Variants in KDM1B observed in about 807,000 individuals in gnomAD.
KDM1B encodes the protein lysine demethylase 1B, also known as lysine-specific histone demethylase 2.
In KDM1B, 63 loss-of-function variants were observed where a neutral mutation model predicts 107.4. The observed-to-expected ratio is 0.59, with a 90% CI of 0.48 to 0.72. The LOEUF is 0.72. KDM1B is among the 30% of genes least tolerant of loss of function. The pLI is 0.00. For missense variants in KDM1B, 749 were observed against 1,020.8 expected, an observed-to-expected ratio of 0.73 and a Z score of 3.63; for synonymous variants, 363 against 363.9, an observed-to-expected ratio of 1.00 and a Z score of 0.03.
chr6:18,181,744 T>G (rs111657240), intron 7 of KDM1B, among the ~76,000 whole-genome samples: 1,786 of 152,128 alleles, frequency 0.012, 41 homozygotes, highest in African/African-American at 0.041. Context: ...AGACCCTGTT[T>G]CAAGAAGAAA....
chr6:18,185,385 TC>T (rs1786790961), intron 7 of KDM1B, among the ~76,000 whole-genome samples: 2 of 151,668 alleles, frequency 1.3e-5, no homozygotes, highest in South Asian at 4.2e-4. Context: ...CACTGCAACC[TC>T]CACTTTCCGG....
chr6:18,171,338 T>G (rs1181050280), intron 6 of KDM1B, 25 bp from the exon 7 acceptor site: 1 of 1,151,972 alleles, frequency 8.7e-7, no homozygotes, highest in Admixed American at 1.7e-5. Context: ...CACTTGTTCA[T>G]CTTGACTTGA....
intron 7 of KDM1B, among the ~76,000 whole-genome samples, chr6:18,179,083 T>A (rs929045392): frequency 6.6e-6 from 1 of 152,264 alleles, no homozygotes; most frequent in Non-Finnish European, 1.5e-5. Context: ...AGTCTCCTTT[T>A]CTTTTCCTAA....
intron 5 of KDM1B, among the ~76,000 whole-genome samples, chr6:18,164,098 T>G (rs1189464835): frequency 6.6e-6 from 1 of 152,154 alleles, no homozygotes; most frequent in East Asian, 1.9e-4. Context: ...GATATGTCTA[T>G]TTTTCCTTTC....
intron 6 of KDM1B, among the ~76,000 whole-genome samples, chr6:18,167,684 G>T (rs1013307441): frequency 6.6e-6 from 1 of 152,044 alleles, no homozygotes; most frequent in African/African-American, 2.4e-5. Flanking sequence ...ATGTTGCCCA[G>T]GCTGGTCTTA....
At chr6:18,210,342 CTTTTTT>C (rs533016543) in intron 17 of KDM1B, among the ~76,000 whole-genome samples, 144 of 69,964 alleles carry the variant, frequency 2.1e-3, no homozygotes, top group African/African-American at 5.4e-3. Context: ...TCTTTCTTTT[CTTTTTT>C]TTTTTTTTTT....
At position 18,212,642 on chromosome 6, in the gene KDM1B, T is replaced by C; in HGVS notation, c.1983+38T>C. ...ACCTCATCCTCAGCAAGAAAGAGAT[T>C]AATGTCAGATGATAGATGTTAACTT... is the stretch of plus-strand genomic sequence containing the variant. On this transcript the variant is annotated intron_variant, in intron 18 of 21. Transcript: ENST00000650836. This position sits in a 1 kb window ranked among gnomAD's most constrained non-coding sequence, Gnocchi z 5.2. 8.0e-7 allele frequency: 1 copy of C among 1,257,728 alleles called. No individual in the cohort carries two copies. Among genetic ancestry groups the C allele is most frequent in the Non-Finnish European group, 1.2e-6 (1 of 854,782 alleles). 77.9% of individuals were successfully genotyped at this position (1,257,728 alleles called of 1,614,324 possible).
rs1409269583 is a variant in KDM1B, at chr6:18,191,409, A to G, written c.969+28A>G. 1 of 1,541,954 alleles carries G rather than the reference A, an allele frequency of 6.5e-7. No individual in the cohort carries two copies. The highest frequency in any genetic ancestry group is 8.8e-7 in the Non-Finnish European group (1 of 1,139,658). On this transcript the variant is annotated intron_variant, in intron 10 of 21. Transcript: ENST00000650836. The surrounding 1 kb of genome is among the most constrained non-coding windows in gnomAD (Gnocchi z 5.1). Reference sequence around the variant, plus strand: ...AAGTAAGGGCATGTTAGCCAATAGCACTGGACAGAGGAGGACCATGTTGAA... The same window carrying G: ...AAGTAAGGGCATGTTAGCCAATAGCGCTGGACAGAGGAGGACCATGTTGAA...
chr6:18,192,777 AT>A lies in KDM1B; in HGVS notation c.969+1407del, dbSNP rs555571613. 1.0e-3 allele frequency among the ~76,000 whole-genome samples: 152 copies of A among 144,906 alleles called. 1 individual carries two copies. In the East Asian group the frequency reaches 0.011, roughly 11 times the overall value. ...TACAACAGAGAAACACCTTGGATTC[AT>A]TTTTTTTTTTGGTCACATTTCTTTC... On this transcript the variant is annotated intron_variant, in intron 10 of 21. Coordinates refer to ENST00000650836, the MANE Select transcript of KDM1B (RefSeq NM_001364614.2).
At chr6:18,170,532 T>G (rs899105088) in intron 6 of KDM1B, among the ~76,000 whole-genome samples, 1 of 151,784 alleles carries the variant, frequency 6.6e-6, no homozygotes, top group South Asian at 2.1e-4. Context: ...CGGGCTGGAG[T>G]GCAGTGGTAT....
intron 6 of KDM1B, among the ~76,000 whole-genome samples, chr6:18,167,942 T>C (rs552780044): frequency 3.6e-4 from 55 of 151,762 alleles, no homozygotes; most frequent in African/African-American, 1.3e-3. Context: ...GTTAATTCTT[T>C]ATAGAGACAG....
At chr6:18,177,967 T>TA (rs1263790261) in intron 7 of KDM1B, among the ~76,000 whole-genome samples, 4 of 152,324 alleles carry the variant, frequency 2.6e-5, no homozygotes, top group Admixed American at 2.0e-4. Context: ...TTTTTGAGGT[T>TA]AATGTCTCCC....
chr6:18,190,149 CGAGA>C (rs1787177565), intron 9 of KDM1B, among the ~76,000 whole-genome samples: 1 of 114,748 alleles, frequency 8.7e-6, no homozygotes, highest in Non-Finnish European at 2.0e-5. Flanking sequence ...GACTCTGTCT[CGAGA>C]AAAAAAAAAA....
chr6:18,198,623 G>A (rs1373528579), intron 12 of KDM1B, among the ~76,000 whole-genome samples: 2 of 127,066 alleles, frequency 1.6e-5, no homozygotes, highest in Non-Finnish European at 3.2e-5. Context: ...GGGTGACAGA[G>A]CGAGACTCCA....
At position 18,179,851 on chromosome 6, in the gene KDM1B, T is replaced by A. The variant is rs13218224; in HGVS notation, c.535-5921T>A. On this transcript the variant is annotated intron_variant, in intron 7 of 21. Transcript: ENST00000650836. The stretch of plus-strand genomic sequence containing the variant: ...TCAATTTAGCATTGGTTTTTTTTCC[T>A]TTTTTTTTTTTTTTTTTTTTTTTTT... Among the ~76,000 whole-genome samples, 7 of 10,580 alleles carry A rather than the reference T, an allele frequency of 6.6e-4. 1 individual carries two copies. The South Asian group carries it at 8.8e-3, about 13-fold the overall frequency. 6.9% of individuals were successfully genotyped at this position (10,580 alleles called of 152,430 possible).
intron 12 of KDM1B, among the ~76,000 whole-genome samples, chr6:18,199,996 AGCCACCT>A (rs1433149906): frequency 1.3e-5 from 2 of 152,154 alleles, no homozygotes; most frequent in African/African-American, 4.8e-5. Flanking sequence ...CTCGTGCCTC[AGCCACCT>A]GAATAGCTGG....
Position 18,216,872 on chromosome 6 carries a change from T to G in KDM1B, c.2233-861T>G, listed in dbSNP as rs536380462. 4.1e-4 allele frequency among the ~76,000 whole-genome samples: 63 copies of G among 152,324 alleles called. No individual in the cohort carries two copies. The South Asian group carries it at 8.5e-3, about 21-fold the overall frequency. On this transcript the variant is annotated intron_variant, in intron 20 of 21. Transcript: ENST00000650836. ...TCATAGGTATGAATAGGAAAAAACA[T>G]AGTGTGTATAGTATTGGTCCTATCC...
intron 9 of KDM1B, among the ~76,000 whole-genome samples, chr6:18,188,568 A>G (rs1050225789): frequency 2.0e-5 from 3 of 152,126 alleles, no homozygotes; most frequent in African/African-American, 7.2e-5. Context: ...CCTACTCTCA[A>G]AAAAACTGCA....
chr6:18,173,566 A>G (rs550548631), intron 7 of KDM1B, among the ~76,000 whole-genome samples: 4 of 152,206 alleles, frequency 2.6e-5, no homozygotes, highest in African/African-American at 7.2e-5. Context: ...CTGAGAAATC[A>G]TTGGTTACCT....
Sources: gnomAD v4.1 joint callset for allele counts (sites outside exome capture counted in the v4.1 genomes callset) on GRCh38, gnomAD v4.1.1 for gene constraint, Gnocchi (gnomAD v3.1) non-coding constraint, MANE v1.5 for transcripts, NCBI Gene and HGNC (gene_info 2026-07-23, HGNC 2026-07-21) for gene names.